RSL24D1: variants seen among roughly 807,000 people sequenced by gnomAD.
The protein encoded by RSL24D1 is ribosomal L24 domain containing 1, also known as probable ribosome biogenesis protein RLP24.
Under a neutral mutation model 26.2 loss-of-function variants are expected in RSL24D1, and 6 were observed. The ratio of observed to expected loss-of-function variants is 0.23; its 90% CI spans 0.13 to 0.45. RSL24D1 has a LOEUF of 0.45. Among genes scored for constraint, RSL24D1 ranks in the 20% least tolerant of loss-of-function variants. RSL24D1 has a pLI of 0.99. For synonymous variants in RSL24D1, 61 were observed against 59.1 expected (o/e 1.03, Z -0.15); for missense variants, 176 against 202.6 (o/e 0.87, Z 0.80).
intron 3 of RSL24D1, among the ~76,000 whole-genome samples, chr15:55,186,057 G>A (rs1324595367): frequency 2.0e-5 from 3 of 152,050 alleles, no homozygotes; most frequent in African/African-American, 7.2e-5. Context: ...CGAACAGGAG[G>A]AAATTTAATG....
chr15:55,183,231 A>G lies in RSL24D1; in HGVS notation c.418+84T>C. ...TATCATAAATTTACTATGAAAGATA[A>G]TATTTATAGGAAAAAATACCCAAAG... On this transcript the variant is annotated intron_variant, in intron 5 of 5. Coordinates refer to ENST00000260443, the MANE Select transcript of RSL24D1 (RefSeq NM_016304.3). 9 of 904,218 alleles carry G rather than the reference A, an allele frequency of 1.0e-5. No individual in the cohort carries two copies. The Admixed American group carries it at 1.7e-4, about 18-fold the overall frequency. 56.0% of individuals were successfully genotyped at this position (904,218 alleles called of 1,614,324 possible).
chr15:55,182,410 CATTT>C (rs1894178561), intron 5 of RSL24D1, among the ~76,000 whole-genome samples, 185 bp from the exon 6 acceptor site: 1 of 152,114 alleles, frequency 6.6e-6, no homozygotes, highest in South Asian at 2.1e-4. Context: ...ATTCTACATA[CATTT>C]ATTTGCTCAT....
chr15:55,185,459 C>G (rs747251678), intron 3 of RSL24D1, 34 bp from the exon 4 acceptor site: 2 of 1,482,352 alleles, frequency 1.3e-6, no homozygotes, highest in Non-Finnish European at 1.9e-6. Context: ...CAAATGTATG[C>G]ACATTCAAGC....
At chr15:55,184,692 A>G (rs1302675978) in intron 4 of RSL24D1, among the ~76,000 whole-genome samples, 1 of 152,198 alleles carries the variant, frequency 6.6e-6, no homozygotes, top group Non-Finnish European at 1.5e-5. Flanking sequence ...CTTCCAGTGG[A>G]GAAACCTGAC....
At chr15:55,193,599 C>T (rs1270395543) in intron 1 of RSL24D1, among the ~76,000 whole-genome samples, 1 of 152,158 alleles carries the variant, frequency 6.6e-6, no homozygotes, top group Non-Finnish European at 1.5e-5. Flanking sequence ...AAAGGTATGA[C>T]AGATAATAGG....
Position 55,183,339 on chromosome 15 carries a change from G to A in RSL24D1, c.394C>T (p.His132Tyr). ...QDIKEVKQNI[H>Y]LIRAPLAGKG... ...CCTGCAAGAGGGGCTCGGATAAGAT[G>A]GATGTTTTGCTTGACTTCTTTGATA... Residue 132 changes from histidine to tyrosine, a missense_variant, in exon 5 of 6, where the codon CAT (histidine) becomes TAT (tyrosine). Around this residue, in one of 3 missense-constraint regions of RSL24D1, gnomAD observed 43 missense variants for 38.7 expected, o/e 1.11. Coordinates refer to ENST00000260443, the MANE Select transcript of RSL24D1 (RefSeq NM_016304.3). The A allele has an allele frequency of 6.2e-7, 1 of 1,611,634 alleles. No individual in the cohort carries two copies. The highest frequency in any genetic ancestry group is 8.5e-7 in the Non-Finnish European group (1 of 1,179,526).
intron 1 of RSL24D1, among the ~76,000 whole-genome samples, chr15:55,193,519 G>A (rs565162521): frequency 8.5e-5 from 13 of 152,252 alleles, no homozygotes; most frequent in African/African-American, 3.1e-4. Context: ...GAGGAAATGG[G>A]AAGAGAAAAA....
In RSL24D1 at chr15:55,181,415, T is replaced by C. The variant is rs1432370041; in HGVS notation, c.*737A>G. On this transcript the variant is annotated 3_prime_UTR_variant, in exon 6 of 6. Transcript: ENST00000260443. ...AGGAGCTTTTTAAAAGAAAACCACA[T>C]AACAACTTTTAAAAGGCGCTGGGAT... 2.6e-5 allele frequency: 4 copies of C among 152,642 alleles called. No individual in the cohort carries two copies. The highest frequency in any genetic ancestry group is 4.1e-4 in the South Asian group (2 of 4,834). 9.5% of individuals were successfully genotyped at this position (152,642 alleles called of 1,614,324 possible). A position where few individuals can be genotyped will look rare whatever the true frequency, so the allele number is the denominator to read the frequency against.
chr15:55,196,800 A>T lies in RSL24D1; in HGVS notation c.81+10T>A, dbSNP rs749697508. ...TAGGCTGAAGCAAGAACTGGTGTCG[A>T]CCGCCTTACCTTGCAATCGTTGCGG... On this transcript the variant is annotated intron_variant, in intron 1 of 5. Transcript: ENST00000260443. 6 of 1,613,938 alleles carry T rather than the reference A, an allele frequency of 3.7e-6. No homozygotes were observed. The highest frequency in any genetic ancestry group is 5.1e-6 in the Non-Finnish European group (6 of 1,179,932).
At chr15:55,188,698 G>A (rs62020096) in intron 3 of RSL24D1, among the ~76,000 whole-genome samples, 8,167 of 152,294 alleles carry the variant, frequency 0.054, 248 homozygotes, top group Non-Finnish European at 0.071. Flanking sequence ...TAAATAACAT[G>A]ACACCAGCAT....
At position 55,181,925 on chromosome 15, in the gene RSL24D1, G is replaced by C; in HGVS notation, c.*227C>G. On this transcript the variant is annotated 3_prime_UTR_variant, in exon 6 of 6. Coordinates refer to ENST00000260443, the MANE Select transcript of RSL24D1 (RefSeq NM_016304.3). ...CCACAATTCACTTCTATAGTTACAA[G>C]TAGAATTTTCATGATTTACTTAAGT... The C allele has an allele frequency of 2.2e-6, 1 of 445,570 alleles. No individual in the cohort carries two copies. Among genetic ancestry groups the C allele is most frequent in the South Asian group, 4.2e-5 (1 of 24,052 alleles). The allele number at this position is 445,570 out of a possible 1,614,324, so 27.6% of individuals were successfully genotyped here.
chr15:55,184,889 T>C (rs921436292), intron 4 of RSL24D1, among the ~76,000 whole-genome samples: 2 of 152,132 alleles, frequency 1.3e-5, no homozygotes, highest in Admixed American at 1.3e-4. Context: ...ATACAATAAC[T>C]TGACCTATAG....
At chr15:55,185,289 TA>T (rs1389209268) in intron 4 of RSL24D1, 72 bp downstream of exon 4, 2 of 1,217,476 alleles carry the variant, frequency 1.6e-6, no homozygotes, top group African/African-American at 3.2e-5. Context: ...AAAATTTTTT[TA>T]AAAAATACTA....
At position 55,183,418 on chromosome 15, in the gene RSL24D1, A is replaced by T. The variant is rs775699152; in HGVS notation, c.333-18T>A. The T allele has an allele frequency of 6.3e-7, 1 of 1,594,192 alleles. No homozygotes were observed. Among genetic ancestry groups the T allele is most frequent in the South Asian group, 1.1e-5 (1 of 90,190 alleles). On this transcript the variant is annotated intron_variant, in intron 4 of 5. Coordinates refer to ENST00000260443, the MANE Select transcript of RSL24D1 (RefSeq NM_016304.3). ...TCTTCAATCTACAACAAAACATATT[A>T]AAGCCAAAATTTCAGTTACTAACAC...
intron 1 of RSL24D1, among the ~76,000 whole-genome samples, chr15:55,193,904 G>C (rs995192442): frequency 3.9e-5 from 6 of 152,092 alleles, no homozygotes; most frequent in Admixed American, 3.9e-4. Context: ...AGCCTACTAT[G>C]AAATCATAAA....
rs1190056618 is a variant in RSL24D1 at position 55,185,031 on chromosome 15, T to C, written c.332+331A>G. ...TAACTGGTGAGGTCTAAATAAGGTT[T>C]ATAGATTATATAATAGTATTACATC... On this transcript the variant is annotated intron_variant, in intron 4 of 5. Coordinates refer to ENST00000260443, the MANE Select transcript of RSL24D1 (RefSeq NM_016304.3). 3.3e-5 allele frequency among the ~76,000 whole-genome samples: 5 copies of C among 152,320 alleles called. No homozygotes were observed. The East Asian group carries it at 9.7e-4, about 29-fold the overall frequency.
At chr15:55,195,927 T>G (rs1452415671) in intron 1 of RSL24D1, among the ~76,000 whole-genome samples, 7 of 152,270 alleles carry the variant, frequency 4.6e-5, no homozygotes, top group Non-Finnish European at 2.9e-5. Context: ...CCCCCAAAGA[T>G]TCCAACTCAA....
rs576527331 is a variant in RSL24D1, at chr15:55,184,749, T to TGACA, written c.332+609_332+612dup. On this transcript the variant is annotated intron_variant, in intron 4 of 5. Coordinates refer to ENST00000260443, the MANE Select transcript of RSL24D1 (RefSeq NM_016304.3). ...ATCAAAGTTAACATCACCAGCAAGG[T>TGACA]GACATCATGTGCTTCCCGATATGAT... Among the ~76,000 whole-genome samples the TGACA allele has an allele frequency of 3.3e-3, 506 of 152,266 alleles. 7 individuals are homozygous for TGACA. The highest frequency in any genetic ancestry group is 0.012 in the African/African-American group (479 of 41,542).
rs544259686 is a variant in RSL24D1 at position 55,196,444 on chromosome 15, T to C, written c.81+366A>G. The C allele has an allele frequency of 1.4e-5, 7 of 501,678 alleles. No individual in the cohort carries two copies. In the East Asian group the frequency reaches 3.9e-4, roughly 28 times the overall value. The allele number at this position is 501,678 out of a possible 1,614,324, so 31.1% of individuals were successfully genotyped here. A position where few individuals can be genotyped will look rare whatever the true frequency, so the allele number is the denominator to read the frequency against. The stretch of plus-strand genomic sequence containing the variant: ...TTAGTATGGACCTTAGTGTAATGCC[T>C]GACAGGGTATACACTCAACAAAGTT... On this transcript the variant is annotated intron_variant, in intron 1 of 5. Coordinates refer to ENST00000260443, the MANE Select transcript of RSL24D1 (RefSeq NM_016304.3).
Sources: allele counts gnomAD v4.1 joint callset (sites outside exome capture counted in the v4.1 genomes callset), GRCh38; gene constraint gnomAD v4.1.1; regional missense constraint gnomAD v4.1.1; transcripts MANE v1.5; gene names NCBI Gene and HGNC (gene_info 2026-07-23, HGNC 2026-07-21).